Variants in UPRT observed in about 807,000 individuals in gnomAD.
UPRT encodes RP11-311P8.3.
A neutral mutation model predicts 22.6 loss-of-function variants in UPRT; 5 were observed. The observed-to-expected ratio is 0.22, with a 90% CI of 0.12 to 0.47. The LOEUF is 0.47. Among genes scored for constraint, UPRT ranks in the 20% least tolerant of loss-of-function variants. The pLI is 0.99. For synonymous variants in UPRT, 77 were observed against 87.7 expected, an observed-to-expected ratio of 0.88 and a Z score of 0.68; for missense variants, 181 against 239.9, an observed-to-expected ratio of 0.75 and a Z score of 1.62.
chrX:75,241,262 AAGAACAT>A lies in UPRT; in HGVS notation c.-446-49761_-446-49755del, dbSNP rs2082487472. Among the ~76,000 whole-genome samples the A allele has an allele frequency of 7.2e-5, 8 of 111,736 alleles. No individual in the cohort carries two copies. The South Asian group carries it at 3.0e-3, about 42-fold the overall frequency. On this transcript the variant is annotated intron_variant, in intron 4 of 13. Transcript: ENST00000652605. ...GAACAACTCCATCAAAAAGTGGGCT[AAGAACAT>A]GACTAGACAATTCCCAAAAGAAGAT...
intron 4 of UPRT, among the ~76,000 whole-genome samples, chrX:75,253,845 C>A (rs2082540296): frequency 8.9e-6 from 1 of 111,985 alleles, no homozygotes; most frequent in Non-Finnish European, 1.9e-5. Flanking sequence ...TCTGACCTTA[C>A]CTGGAGCTGA....
chrX:75,274,570 A>G lies in UPRT; in HGVS notation c.316A>G (p.Ile106Val), dbSNP rs755470264. 1.4e-5 allele frequency: 17 copies of G among 1,208,933 alleles called. No individual in the cohort carries two copies. In the South Asian group the frequency reaches 3.0e-4, roughly 21 times the overall value. The part of the protein sequence containing the change: ...FLEDCELSRQ[I>V]GAQLKLLPMN... ...AGAGGACTGCGAACTCTCCCGGCAG[A>G]TCGGGGCGCAGCTTAAGCTGCTGCC... Residue 106 changes from isoleucine (I) to valine (V), a missense_variant, in exon 1 of 7, where the codon ATC becomes GTC. Ile to Val is a conservative substitution (Grantham distance 29). Around this residue, in one of 2 missense-constraint regions of UPRT, gnomAD observed 111 missense variants for 102.8 expected, o/e 1.08. Transcript: ENST00000373383.
At chrX:75,300,791 C>T in intron 5 of UPRT, 76 bp from the exon 6 acceptor site, 2 of 828,887 alleles carry the variant, frequency 2.4e-6, no homozygotes, top group Non-Finnish European at 3.5e-6. Context: ...TGTCCCCCCT[C>T]CCCCAAAAAA....
intron 4 of UPRT, among the ~76,000 whole-genome samples, chrX:75,249,437 C>A (rs755136095): frequency 7.2e-5 from 8 of 111,323 alleles, no homozygotes; most frequent in Non-Finnish European, 1.3e-4. Context: ...AGATTTTAAA[C>A]CAACAAAGAT....
chrX:75,255,281 C>A (rs2082546096), intron 4 of UPRT, among the ~76,000 whole-genome samples: 2 of 111,301 alleles, frequency 1.8e-5, no homozygotes, highest in Admixed American at 1.9e-4. Flanking sequence ...AAAAAAGATA[C>A]AGTCTTTTTC....
chrX:75,204,768 G>C (rs1213205218), intron 4 of UPRT, among the ~76,000 whole-genome samples: 1 of 111,718 alleles, frequency 9.0e-6, no homozygotes, highest in Non-Finnish European at 1.9e-5. Flanking sequence ...GCTACACGGA[G>C]AGCTGCGCCA....
In UPRT at chrX:75,227,779, A is replaced by G. The variant is rs142761653; in HGVS notation, c.-447+59900A>G. On this transcript the variant is annotated intron_variant, in intron 4 of 13. Transcript: ENST00000652605. Reference sequence around the variant, plus strand: ...AGGGACATATGTTGAGACTTTTGCAAGCAGGTACATGTTAGTTCAGGCTTC... The same window carrying G: ...AGGGACATATGTTGAGACTTTTGCAGGCAGGTACATGTTAGTTCAGGCTTC... Among the ~76,000 whole-genome samples the G allele has an allele frequency of 5.8e-4, 65 of 112,562 alleles. 1 individual carries two copies. The highest frequency in any genetic ancestry group is 2.0e-3 in the African/African-American group (62 of 31,056).
At chrX:75,286,117 T>A (rs1286884269) in intron 1 of UPRT, among the ~76,000 whole-genome samples, 1 of 111,478 alleles carries the variant, frequency 9.0e-6, no homozygotes, top group Non-Finnish European at 1.9e-5. Context: ...TTCCTTTAAC[T>A]TGTTGCTCAA....
chrX:75,165,580 C>T (rs2082210964), intron 3 of UPRT, among the ~76,000 whole-genome samples: 1 of 111,456 alleles, frequency 9.0e-6, no homozygotes, highest in African/African-American at 3.3e-5. Flanking sequence ...GATTGATAGG[C>T]ATGTCAATGA....
rs150056675 is a variant in UPRT, at chrX:75,222,754, A to G, written c.-447+54875A>G. ...GGGCAGTGGGCTTACCTCTGGCCCAATGCAGGTCCAGAAATGCCATCTAAG... is the reference window on the plus strand; with the variant it reads ...GGGCAGTGGGCTTACCTCTGGCCCAGTGCAGGTCCAGAAATGCCATCTAAG... On this transcript the variant is annotated intron_variant, in intron 4 of 13. Transcript: ENST00000652605. Among the ~76,000 whole-genome samples, 338 of 110,703 alleles carry G rather than the reference A, an allele frequency of 3.1e-3. 4 individuals are homozygous for G. Among genetic ancestry groups the G allele is most frequent in the African/African-American group, 0.01 (314 of 30,478 alleles).
At chrX:75,287,625 T>A (rs1236186989) in intron 1 of UPRT, among the ~76,000 whole-genome samples, 2 of 111,113 alleles carry the variant, frequency 1.8e-5, no homozygotes, top group Non-Finnish European at 3.8e-5. Flanking sequence ...TTGCAAAAAA[T>A]TCTTTGAAAT....
intron 4 of UPRT, among the ~76,000 whole-genome samples, chrX:75,180,475 A>G (rs2082265360): frequency 9.0e-6 from 1 of 111,118 alleles, no homozygotes; most frequent in South Asian, 3.8e-4. Context: ...TTGGGCTCTC[A>G]CAGTATTTGG....
At chrX:75,271,295 A>C (rs754717928), upstream of UPRT, among the ~76,000 whole-genome samples, 2 of 112,478 alleles carry the variant, frequency 1.8e-5, no homozygotes, top group East Asian at 5.6e-4. Flanking sequence ...CTGGTATTAA[A>C]ATATACCCAC....
chrX:75,209,670 G>T (rs2082375389), intron 4 of UPRT, among the ~76,000 whole-genome samples: 1 of 112,414 alleles, frequency 8.9e-6, no homozygotes. Flanking sequence ...ACTGTTCCTG[G>T]CCCAGTGTTT....
At chrX:75,285,660 C>G (rs975416603) in intron 1 of UPRT, 10 of 111,129 alleles carry the variant, frequency 9.0e-5, no homozygotes, top group Non-Finnish European at 1.3e-4. Flanking sequence ...CCAGGTCCTG[C>G]AGGAGCAATC....
intron 4 of UPRT, among the ~76,000 whole-genome samples, chrX:75,245,420 A>T (rs924505150): frequency 1.8e-5 from 2 of 111,677 alleles, no homozygotes; most frequent in Non-Finnish European, 3.8e-5. Context: ...TTACCATTTG[A>T]CCCAGAAATC....
chrX:75,203,563 CA>C (rs2082354613), intron 4 of UPRT, among the ~76,000 whole-genome samples: 1 of 109,703 alleles, frequency 9.1e-6, no homozygotes, highest in Admixed American at 9.8e-5. Context: ...ACAGCAAATG[CA>C]GGCTTTATGT....
chrX:75,234,992 C>G (rs1211120936), intron 4 of UPRT, among the ~76,000 whole-genome samples: 2 of 111,628 alleles, frequency 1.8e-5, no homozygotes, highest in African/African-American at 6.5e-5. Context: ...ATCAATGAAT[C>G]CAGGAGCTGG....
intron 4 of UPRT, among the ~76,000 whole-genome samples, chrX:75,189,442 G>A (rs2082307152): frequency 8.9e-6 from 1 of 112,060 alleles, no homozygotes; most frequent in Non-Finnish European, 1.9e-5. Context: ...GTGGTGCTGA[G>A]AAGAATGTAT....
Sources: gnomAD v4.1 joint callset for allele counts (sites outside exome capture counted in the v4.1 genomes callset) on GRCh38, gnomAD v4.1.1 for gene constraint, gnomAD v4.1.1 regional missense constraint, MANE v1.5 for transcripts, NCBI Gene and HGNC (gene_info 2026-07-23, HGNC 2026-07-21) for gene names.